Variants in CMSS1 observed in about 807,000 individuals in gnomAD.
The protein encoded by CMSS1 is cms1 ribosomal small subunit homolog.
CMSS1 carries 33 observed loss-of-function variants against 43.5 expected under a neutral mutation model. That is an observed-to-expected ratio of 0.76 (90% CI 0.57 to 1.01). The LOEUF is 1.01. CMSS1 is among the 50% of genes least tolerant of loss of function. The pLI is 0.00. For missense variants in CMSS1, 313 were observed against 326.4 expected, an observed-to-expected ratio of 0.96 and a Z score of 0.32; for synonymous variants, 115 against 117.2, an observed-to-expected ratio of 0.98 and a Z score of 0.12.
chr3:99,982,035 C>T (rs535802855), intron 1 of CMSS1, among the ~76,000 whole-genome samples: 4 of 151,908 alleles, frequency 2.6e-5, no homozygotes, highest in Middle Eastern at 6.8e-3. Flanking sequence ...ACATAATATG[C>T]TCTTTTAGTT....
chr3:100,023,536 G>A lies in CMSS1; in HGVS notation c.65-123437G>A, dbSNP rs567551628. ...TGTGAAAGAACTGTAAGTGGTATGA[G>A]ACTAAAACAGTTTCTTGGGGGGAGA... On this transcript the variant is annotated intron_variant, in intron 1 of 9. Coordinates refer to ENST00000421999, the MANE Select transcript of CMSS1 (RefSeq NM_032359.4). 2.6e-5 allele frequency: 4 copies of A among 152,740 alleles called. No homozygotes were observed. In the East Asian group the frequency reaches 7.7e-4, roughly 29 times the overall value. 9.5% of individuals were successfully genotyped at this position (152,740 alleles called of 1,614,324 possible). A position where few individuals can be genotyped will look rare whatever the true frequency, so the allele number is the denominator to read the frequency against.
intron 1 of CMSS1, among the ~76,000 whole-genome samples, chr3:99,993,603 G>A (rs1033972009): frequency 1.3e-5 from 2 of 152,060 alleles, no homozygotes; most frequent in Non-Finnish European, 2.9e-5. Context: ...GTATGATATT[G>A]GGTGTGGGTT....
At chr3:100,025,815 T>A (rs2064910259) in intron 1 of CMSS1, among the ~76,000 whole-genome samples, 1 of 152,150 alleles carries the variant, frequency 6.6e-6, no homozygotes, top group Admixed American at 6.5e-5. Context: ...TCGACCTCCA[T>A]TTTTTGTTGG....
At chr3:99,859,609 A>G (rs187057275) in intron 1 of CMSS1, among the ~76,000 whole-genome samples, 14 of 152,318 alleles carry the variant, frequency 9.2e-5, no homozygotes, top group Non-Finnish European at 5.9e-5. Flanking sequence ...TAGCCTGATT[A>G]TGATTATATC....
intron 1 of CMSS1, among the ~76,000 whole-genome samples, chr3:99,937,529 T>G (rs528799871): frequency 1.3e-5 from 2 of 152,384 alleles, no homozygotes; most frequent in Non-Finnish European, 2.9e-5. Flanking sequence ...CTCCAACATG[T>G]TAGCTCTGTG....
chr3:100,053,858 G>T (rs1263489505), intron 1 of CMSS1, among the ~76,000 whole-genome samples: 2 of 152,056 alleles, frequency 1.3e-5, no homozygotes, highest in East Asian at 1.9e-4. Flanking sequence ...CTGCCCCCTG[G>T]GGCCAGATTT....
chr3:100,049,247 CTT>C (rs894256400), intron 1 of CMSS1, among the ~76,000 whole-genome samples: 1 of 152,132 alleles, frequency 6.6e-6, no homozygotes, highest in African/African-American at 2.4e-5. Context: ...AAACTGTTCT[CTT>C]GTTTCATTTA....
intron 1 of CMSS1, chr3:99,850,754 TGTCTTG>T (rs1480031159): frequency 3.1e-6 from 5 of 1,614,102 alleles, no homozygotes; most frequent in Non-Finnish European, 4.2e-6. Flanking sequence ...GCCATAATTG[TGTCTTG>T]GTCTTGGTGA....
chr3:100,091,568 G>A (rs2107435627), intron 1 of CMSS1, among the ~76,000 whole-genome samples: 1 of 152,218 alleles, frequency 6.6e-6, no homozygotes, highest in East Asian at 1.9e-4. Flanking sequence ...GTCACCAAAA[G>A]TGTAGCCATG....
chr3:100,047,968 C>T (rs775256903), intron 1 of CMSS1, among the ~76,000 whole-genome samples: 16 of 152,192 alleles, frequency 1.1e-4, no homozygotes, highest in Admixed American at 4.6e-4. Context: ...CGAATTGTCC[C>T]TCCTATAGTG....
chr3:99,931,163 C>T, intron 1 of CMSS1: 2 of 701,216 alleles, frequency 2.9e-6, no homozygotes, highest in Non-Finnish European at 2.4e-6. Context: ...TTGATGTCTA[C>T]AGCAGAGAAG....
At chr3:99,984,938 A>G (rs1309781092) in intron 1 of CMSS1, among the ~76,000 whole-genome samples, 1 of 152,202 alleles carries the variant, frequency 6.6e-6, no homozygotes, top group African/African-American at 2.4e-5. Context: ...CAGGTTAAAT[A>G]AACTGAGGAT....
intron 1 of CMSS1, chr3:99,848,381 C>G (rs79681183): frequency 6.2e-7 from 1 of 1,613,982 alleles, no homozygotes; most frequent in Non-Finnish European, 8.5e-7. Context: ...TTGTTTAGTG[C>G]CCCGTTAATT....
chr3:99,858,477 T>TA (rs958494185), intron 1 of CMSS1, among the ~76,000 whole-genome samples: 16 of 151,818 alleles, frequency 1.1e-4, no homozygotes, highest in African/African-American at 3.9e-4. Context: ...AAATAAAATT[T>TA]AAAAAAAATC....
chr3:99,994,549 T>A (rs907732480), intron 1 of CMSS1, among the ~76,000 whole-genome samples: 2 of 152,070 alleles, frequency 1.3e-5, no homozygotes, highest in Non-Finnish European at 2.9e-5. Flanking sequence ...CAGAACACAA[T>A]GGAAAAAGGC....
At chr3:99,838,979 C>G (rs968298277) in intron 1 of CMSS1, among the ~76,000 whole-genome samples, 1 of 152,148 alleles carries the variant, frequency 6.6e-6, no homozygotes, top group Non-Finnish European at 1.5e-5. Flanking sequence ...CCAACCATCT[C>G]AACTTCATCC....
intron 1 of CMSS1, among the ~76,000 whole-genome samples, chr3:99,821,127 T>A (rs1942430582): frequency 6.6e-6 from 1 of 152,206 alleles, no homozygotes; most frequent in African/African-American, 2.4e-5. Flanking sequence ...TCTTCTTAGA[T>A]GTGGTATGTA....
chr3:100,016,560 A>G (rs982316346), intron 1 of CMSS1, among the ~76,000 whole-genome samples: 1 of 152,112 alleles, frequency 6.6e-6, no homozygotes, highest in South Asian at 2.1e-4. Context: ...CCTTGCTGAA[A>G]CTTCCTCCCT....
At chr3:100,058,338 A>G (rs2065500652) in intron 1 of CMSS1, among the ~76,000 whole-genome samples, 1 of 152,146 alleles carries the variant, frequency 6.6e-6, no homozygotes, top group East Asian at 1.9e-4. Flanking sequence ...ACTTTGTACA[A>G]TCAGATGCTT....
Sources: gnomAD v4.1 joint callset for allele counts (sites outside exome capture counted in the v4.1 genomes callset) on GRCh38, gnomAD v4.1.1 for gene constraint, MANE v1.5 for transcripts, NCBI Gene and HGNC (gene_info 2026-07-23, HGNC 2026-07-21) for gene names.